The following GORASP2 variants were observed in gnomAD, a reference collection of about 807,000 sequenced individuals.
GORASP2 encodes the protein Golgi reassembly-stacking protein 2.
A neutral mutation model predicts 45.7 loss-of-function variants in GORASP2; 22 were observed. The observed-to-expected ratio is 0.48, with a 90% confidence interval of 0.34 to 0.69. The LOEUF (loss-of-function observed/expected upper bound fraction) is 0.69, where lower values mean the gene tolerates loss of function less well. Ranked by LOEUF, GORASP2 falls within the 30% of genes least tolerant of loss-of-function variation. The probability of loss-of-function intolerance (pLI) is 0.01; values close to 1 mark genes in which losing one functional copy is unlikely to be tolerated. For synonymous variants in GORASP2, 221 were observed against 215.6 expected (o/e 1.02, Z -0.22); for missense variants, 491 against 562.7 (o/e 0.87, Z 1.29).
chr2:170,929,487 C>G, intron 1 of GORASP2, 84 bp downstream of exon 1: 2 of 1,080,266 alleles, frequency 1.9e-6, no homozygotes, highest in Non-Finnish European at 2.5e-6. Context: ...TGGGCTCCTT[C>G]ACGGGGCAGC....
intron 7 of GORASP2, among the ~76,000 whole-genome samples, chr2:170,961,168 C>G (rs1328770968): frequency 1.3e-5 from 2 of 152,208 alleles, no homozygotes; most frequent in African/African-American, 4.8e-5. Flanking sequence ...TTCTCTCCAT[C>G]CTAGAGGTTC....
chr2:170,949,654 G>A lies in GORASP2; in HGVS notation c.260G>A (p.Ser87Asn). The change falls in exon 3 of 10, where the codon AGT (serine) becomes AAT (asparagine). Residue 87 changes from serine (S) to asparagine (N), a missense_variant. By Grantham distance (46) the Ser-to-Asn change is conservative. Coordinates refer to ENST00000234160, the MANE Select transcript of GORASP2 (RefSeq NM_015530.5). The part of the protein sequence containing the change: ...LELRETSVTP[S>N]NLWGGQGLLG... ...CTGCGAGAGACCTCAGTCACACCAA[G>A]TAACCTGTGGGGCGGCCAGGGCTTA... The A allele has an allele frequency of 6.2e-7, 1 of 1,614,132 alleles. No homozygotes were observed. Among genetic ancestry groups the A allele is most frequent in the East Asian group, 2.2e-5 (1 of 44,892 alleles).
At chr2:170,936,924 T>C (rs191444333) in intron 1 of GORASP2, among the ~76,000 whole-genome samples, 1 of 152,178 alleles carries the variant, frequency 6.6e-6, no homozygotes, top group East Asian at 1.9e-4. Context: ...AAAAAAAATT[T>C]AAGGCTAGGT....
chr2:170,937,835 A>C (rs537178031), intron 1 of GORASP2, among the ~76,000 whole-genome samples: 1 of 152,160 alleles, frequency 6.6e-6, no homozygotes, highest in Admixed American at 6.5e-5. Flanking sequence ...AGACAGAAGG[A>C]AAGAATCTTG....
At chr2:170,960,197 C>T (rs977687891) in intron 7 of GORASP2, among the ~76,000 whole-genome samples, 2 of 152,078 alleles carry the variant, frequency 1.3e-5, no homozygotes, top group African/African-American at 4.8e-5. Flanking sequence ...ATGTAAATTT[C>T]CTAAAGGTTC....
intron 7 of GORASP2, 114 bp from the exon 8 acceptor site, chr2:170,961,549 C>A: frequency 1.4e-6 from 1 of 728,444 alleles, no homozygotes; most frequent in Non-Finnish European, 2.5e-6. Flanking sequence ...AAATCGGGAC[C>A]AAATGAAGAC....
intron 9 of GORASP2, among the ~76,000 whole-genome samples, chr2:170,964,256 C>T (rs938438779): frequency 2.6e-5 from 4 of 152,218 alleles, no homozygotes; most frequent in Admixed American, 6.5e-5. Context: ...TGGTGTGCAT[C>T]GTCACCATCT....
intron 1 of GORASP2, chr2:170,929,665 C>T (rs1703768276): frequency 2.5e-5 from 15 of 608,210 alleles, no homozygotes; most frequent in Admixed American, 4.8e-5. Context: ...GGCCAGGGGG[C>T]GGCCCTGGGA....
At chr2:170,934,793 A>G (rs1030100348) in intron 1 of GORASP2, among the ~76,000 whole-genome samples, 3 of 151,622 alleles carry the variant, frequency 2.0e-5, no homozygotes, top group African/African-American at 7.3e-5. Flanking sequence ...GCTGGAGTGC[A>G]GTTGTGCAAT....
chr2:170,949,222 C>G (rs1042279089), intron 2 of GORASP2, among the ~76,000 whole-genome samples: 1 of 152,156 alleles, frequency 6.6e-6, no homozygotes, highest in Admixed American at 6.6e-5. Context: ...ATCACAACTT[C>G]GTTAGTAATG....
chr2:170,947,963 A>G (rs1704215734), intron 1 of GORASP2, among the ~76,000 whole-genome samples: 1 of 152,134 alleles, frequency 6.6e-6, no homozygotes, highest in Admixed American at 6.5e-5. Context: ...TCTACAAAAA[A>G]TACAAAAATT....
chr2:170,936,537 GA>G, intron 1 of GORASP2: 1 of 745,172 alleles, frequency 1.3e-6, no homozygotes. Context: ...GTTACTTTGA[GA>G]GACTGTACAT....
Position 170,951,443 on chromosome 2 carries a change from G to A in GORASP2, c.551G>A (p.Trp184Ter). The A allele has an allele frequency of 1.9e-6, 3 of 1,609,730 alleles. No homozygotes were observed. Among genetic ancestry groups the A allele is most frequent in the Non-Finnish European group, 2.5e-6 (3 of 1,178,384 alleles). Residue 184 changes from tryptophan to a stop codon, truncating the protein, a stop_gained, in exon 5 of 10, where the codon TGG becomes TAG. Coordinates refer to ENST00000234160, the MANE Select transcript of GORASP2 (RefSeq NM_015530.5). LOFTEE classifies it high-confidence loss of function. ...REVIITPNSAWGGEGSLGCGI... is the reference protein window; with the variant it reads ...REVIITPNSA ...GTGATTATTACACCAAATTCTGCATGGGGTGGAGAAGGCAGGTAAGGTCAT... is the reference window on the plus strand; with the variant it reads ...GTGATTATTACACCAAATTCTGCATAGGGTGGAGAAGGCAGGTAAGGTCAT...
intron 1 of GORASP2, among the ~76,000 whole-genome samples, chr2:170,943,615 C>T (rs919892960): frequency 6.6e-6 from 1 of 152,210 alleles, no homozygotes; most frequent in Non-Finnish European, 1.5e-5. Flanking sequence ...TTAAAACCAA[C>T]TCAGTCTGGC....
intron 7 of GORASP2, among the ~76,000 whole-genome samples, chr2:170,960,795 G>A (rs776627892): frequency 3.9e-5 from 6 of 152,110 alleles, no homozygotes; most frequent in African/African-American, 1.2e-4. Flanking sequence ...TCTGAATTCC[G>A]CAGAAAAGTA....
chr2:170,950,841 G>T (rs1704283751), intron 4 of GORASP2, among the ~76,000 whole-genome samples: 1 of 152,108 alleles, frequency 6.6e-6, no homozygotes. Flanking sequence ...AATTAGCCAG[G>T]CATGGTGGTG....
chr2:170,929,658 CA>C, intron 1 of GORASP2: 5 of 617,240 alleles, frequency 8.1e-6, no homozygotes, highest in Non-Finnish European at 1.5e-5. Flanking sequence ...GCGACTCGGC[CA>C]GGGGGCGGCC....
chr2:170,959,722 G>A (rs4668355), intron 7 of GORASP2, among the ~76,000 whole-genome samples: 92,080 of 151,962 alleles, frequency 0.61, 29,471 homozygotes, highest in East Asian at 0.95. Context: ...CTTTTTTGTG[G>A]ATTTGAAGAT....
chr2:170,947,358 A>C (rs1575473605), intron 1 of GORASP2, among the ~76,000 whole-genome samples: 3 of 152,110 alleles, frequency 2.0e-5, no homozygotes, highest in African/African-American at 7.2e-5. Flanking sequence ...TCGGGTGTTT[A>C]CTCATACTGT....
Sources: gnomAD v4.1 joint callset for allele counts (sites outside exome capture counted in the v4.1 genomes callset) on GRCh38, gnomAD v4.1.1 for gene constraint, MANE v1.5 for transcripts, NCBI Gene and HGNC (gene_info 2026-07-23, HGNC 2026-07-21) for gene names.